The following VAV3 variants were observed in gnomAD, a reference collection of about 807,000 sequenced individuals.
VAV3 encodes the protein guanine nucleotide exchange factor VAV3.
VAV3 carries 94 observed loss-of-function variants against 131.2 expected under a neutral mutation model. The observed-to-expected ratio is 0.72, with a 90% CI of 0.61 to 0.85. The LOEUF is 0.85. VAV3 is among the 40% of genes least tolerant of loss of function. The pLI is 0.00. For synonymous variants in VAV3, 349 were observed against 342.0 expected (o/e 1.02, Z -0.22); for missense variants, 939 against 1,002.7 (o/e 0.94, Z 0.86).
chr1:107,786,419 A>T (rs1244129184), intron 2 of VAV3, among the ~76,000 whole-genome samples: 1 of 152,198 alleles, frequency 6.6e-6, no homozygotes, highest in African/African-American at 2.4e-5. Flanking sequence ...CAAGGTAAGG[A>T]CGGGAGTCAA....
In VAV3 at chr1:107,578,949, C is replaced by T. The variant is rs867113057; in HGVS notation, c.2351-4751G>A. ...TTAAATGCAAATTAAATAATTTCAA[C>T]AATAGGTAGGTAAATTAGATAAGAT... On this transcript the variant is annotated intron_variant, in intron 25 of 26. Coordinates refer to ENST00000370056, the MANE Select transcript of VAV3 (RefSeq NM_006113.5). 3.7e-5 allele frequency: 36 copies of T among 974,934 alleles called. No homozygotes were observed. In the African/African-American group the frequency reaches 6.1e-4, roughly 17 times the overall value. 60.4% of individuals were successfully genotyped at this position (974,934 alleles called of 1,614,324 possible).
intron 15 of VAV3, among the ~76,000 whole-genome samples, chr1:107,719,451 A>G (rs1661345070): frequency 6.6e-6 from 1 of 152,236 alleles, no homozygotes; most frequent in Admixed American, 6.5e-5. Context: ...GCCAACAGAC[A>G]TATGAAAAAA....
intron 1 of VAV3, chr1:107,897,133 G>A (rs1366128388): frequency 6.6e-6 from 1 of 152,050 alleles, no homozygotes; most frequent in African/African-American, 2.4e-5. Context: ...CCACTGTCCT[G>A]AGAATTCCCA....
chr1:107,597,762 C>G (rs1651506120), intron 24 of VAV3, among the ~76,000 whole-genome samples: 1 of 152,116 alleles, frequency 6.6e-6, no homozygotes, highest in East Asian at 1.9e-4. Context: ...ATTTTTCAAT[C>G]TCACCTATAA....
At chr1:107,923,267 A>G (rs1486990460) in intron 1 of VAV3, among the ~76,000 whole-genome samples, 3 of 152,142 alleles carry the variant, frequency 2.0e-5, no homozygotes, top group African/African-American at 7.2e-5. Flanking sequence ...AATGAGTCCC[A>G]CTGCATCAGG....
intron 20 of VAV3, among the ~76,000 whole-genome samples, chr1:107,637,545 C>G (rs1488844994): frequency 1.3e-5 from 2 of 152,118 alleles, no homozygotes; most frequent in African/African-American, 4.8e-5. Context: ...ATTGCTTGAA[C>G]CTAGGAGGCA....
chr1:107,580,313 C>A lies in VAV3; in HGVS notation c.2351-6115G>T, dbSNP rs533402436. 2.6e-5 allele frequency among the ~76,000 whole-genome samples: 4 copies of A among 152,282 alleles called. No homozygotes were observed. The East Asian group carries it at 7.7e-4, about 29-fold the overall frequency. ...TTAAACTGCTCCATAAGACTTCCAA[C>A]AAAGGCCAGCAAAACACCAAGCAAA... On this transcript the variant is annotated intron_variant, in intron 25 of 26. Coordinates refer to ENST00000370056, the MANE Select transcript of VAV3 (RefSeq NM_006113.5).
rs148677089 is a variant in VAV3 at position 107,878,878 on chromosome 1, T to C, written c.205-3861A>G. On this transcript the variant is annotated intron_variant, in intron 1 of 26. Transcript: ENST00000370056. ...TAGTATTCCTTGATCATCCTTGCTT[T>C]AATTATTCCATATGAGACTTTAAAA... 4.1e-3 allele frequency among the ~76,000 whole-genome samples: 623 copies of C among 152,314 alleles called. 4 individuals are homozygous for C. Among genetic ancestry groups the C allele is most frequent in the African/African-American group, 0.014 (585 of 41,582 alleles).
chr1:107,806,964 T>C (rs1387924388), intron 2 of VAV3, among the ~76,000 whole-genome samples: 2 of 152,218 alleles, frequency 1.3e-5, no homozygotes, highest in South Asian at 2.1e-4. Context: ...GTAAATACTA[T>C]GTAAATAGTT....
intron 1 of VAV3, among the ~76,000 whole-genome samples, chr1:107,914,845 T>C (rs1310926704): frequency 6.6e-6 from 1 of 152,078 alleles, no homozygotes; most frequent in African/African-American, 2.4e-5. Context: ...AAATTAAAAG[T>C]CTCACTAGGG....
intron 1 of VAV3, among the ~76,000 whole-genome samples, chr1:107,922,148 T>C (rs1415675207): frequency 3.9e-5 from 6 of 152,110 alleles, no homozygotes; most frequent in Non-Finnish European, 7.4e-5. Flanking sequence ...AGCCAGAGGG[T>C]TGACAGTTGC....
At chr1:107,914,544 A>C (rs1672521933) in intron 1 of VAV3, among the ~76,000 whole-genome samples, 1 of 152,230 alleles carries the variant, frequency 6.6e-6, no homozygotes, top group African/African-American at 2.4e-5. Flanking sequence ...ATGCCCATGA[A>C]AGCAATCCGT....
chr1:107,670,130 T>G (rs539801343), intron 19 of VAV3, among the ~76,000 whole-genome samples: 4 of 152,322 alleles, frequency 2.6e-5, no homozygotes, highest in Non-Finnish European at 5.9e-5. Context: ...GTCCAAAGAT[T>G]TGCACAGCAG....
chr1:107,697,523 A>T (rs1262322104), intron 17 of VAV3, among the ~76,000 whole-genome samples: 2 of 152,236 alleles, frequency 1.3e-5, no homozygotes, highest in Admixed American at 1.3e-4. Flanking sequence ...TTTTAAAAAA[A>T]CATTTTCCTG....
chr1:107,936,071 C>T (rs1297568862), intron 1 of VAV3, among the ~76,000 whole-genome samples: 2 of 152,176 alleles, frequency 1.3e-5, no homozygotes, highest in Non-Finnish European at 2.9e-5. Flanking sequence ...GACATTATTA[C>T]AGTTCCTAGA....
chr1:107,687,312 A>G (rs1389270259), intron 18 of VAV3, among the ~76,000 whole-genome samples: 1 of 152,176 alleles, frequency 6.6e-6, no homozygotes, highest in African/African-American at 2.4e-5. Flanking sequence ...ACTTATGCAA[A>G]AAGTAGAGAC....
intron 15 of VAV3, among the ~76,000 whole-genome samples, chr1:107,708,976 TG>T (rs1660618990): frequency 6.6e-6 from 1 of 151,866 alleles, no homozygotes; most frequent in Non-Finnish European, 1.5e-5. Flanking sequence ...CCTATCCTAT[TG>T]GTTTTGTTTC....
chr1:107,842,264 T>C (rs545840087), intron 2 of VAV3, among the ~76,000 whole-genome samples: 4 of 152,318 alleles, frequency 2.6e-5, no homozygotes, highest in Non-Finnish European at 4.4e-5. Flanking sequence ...ACCTTGGACA[T>C]AGCTGAATGG....
chr1:107,618,226 T>C (rs1465018622), intron 20 of VAV3, among the ~76,000 whole-genome samples: 1 of 152,174 alleles, frequency 6.6e-6, no homozygotes, highest in Non-Finnish European at 1.5e-5. Context: ...TGGGGACACC[T>C]ACGATAGAGA....
Sources: gnomAD v4.1 joint callset for allele counts (sites outside exome capture counted in the v4.1 genomes callset) on GRCh38, gnomAD v4.1.1 for gene constraint, MANE v1.5 for transcripts, NCBI Gene and HGNC (gene_info 2026-07-23, HGNC 2026-07-21) for gene names.